Variants in TOM1L2 observed in about 807,000 individuals in gnomAD.
TOM1L2 encodes the protein TOM1-like protein 2.
Under a neutral mutation model 67.9 loss-of-function variants are expected in TOM1L2, and 31 were observed. The observed-to-expected ratio is 0.46, with a 90% CI of 0.34 to 0.62. The LOEUF (loss-of-function observed/expected upper bound fraction) is 0.62, where lower values mean the gene tolerates loss of function less well. Ranked by LOEUF, TOM1L2 falls within the 20% of genes least tolerant of loss-of-function variation. The pLI, the probability that TOM1L2 is intolerant of heterozygous loss-of-function variation, is 0.01. For synonymous variants in TOM1L2, 256 were observed against 254.0 expected, an observed-to-expected ratio of 1.01 and a Z score of -0.07; for missense variants, 606 against 663.5, an observed-to-expected ratio of 0.91 and a Z score of 0.95.
chr17:17,865,742 C>CTT (rs35408977), intron 10 of TOM1L2, among the ~76,000 whole-genome samples: 12 of 103,530 alleles, frequency 1.2e-4, no homozygotes, highest in African/African-American at 2.8e-4. Flanking sequence ...GGTGACCTTT[C>CTT]TTTTTTTTTT....
At chr17:17,959,102 G>A (rs781262054) in intron 1 of TOM1L2, among the ~76,000 whole-genome samples, 1 of 152,198 alleles carries the variant, frequency 6.6e-6, no homozygotes, top group Non-Finnish European at 1.5e-5. Flanking sequence ...GAAAATGTAA[G>A]TAAAGTGTTG....
intron 1 of TOM1L2, among the ~76,000 whole-genome samples, chr17:17,921,536 C>T (rs1169918649): frequency 6.6e-6 from 1 of 151,604 alleles, no homozygotes; most frequent in Non-Finnish European, 1.5e-5. Flanking sequence ...GGAAATTGGC[C>T]ATGGGGGAGG....
intron 2 of TOM1L2, among the ~76,000 whole-genome samples, chr17:17,900,521 C>CAAA (rs546614872): frequency 1.2e-3 from 71 of 58,826 alleles, no homozygotes; most frequent in African/African-American, 2.9e-3. Context: ...GACTCCATCT[C>CAAA]AAAAAAAAAA....
At chr17:17,917,653 T>C (rs949159653) in intron 1 of TOM1L2, among the ~76,000 whole-genome samples, 8 of 140,324 alleles carry the variant, frequency 5.7e-5, no homozygotes, top group Non-Finnish European at 1.1e-4. Context: ...TTGGGTAGTG[T>C]TGTCATCTTA....
At chr17:17,913,740 T>C (rs2039507625) in intron 1 of TOM1L2, among the ~76,000 whole-genome samples, 1 of 152,198 alleles carries the variant, frequency 6.6e-6, no homozygotes, top group Admixed American at 6.5e-5. Context: ...GGATAAGTTA[T>C]CATGCCTTTG....
intron 1 of TOM1L2, among the ~76,000 whole-genome samples, chr17:17,935,572 G>C (rs111367557): frequency 3.3e-5 from 5 of 152,162 alleles, no homozygotes; most frequent in Non-Finnish European, 7.3e-5. Flanking sequence ...TAGAGGACTG[G>C]AGAAAGCAGA....
intron 1 of TOM1L2, among the ~76,000 whole-genome samples, chr17:17,940,598 G>C (rs1347666851): frequency 6.6e-6 from 1 of 152,134 alleles, no homozygotes; most frequent in Non-Finnish European, 1.5e-5. Context: ...GCAGGAATAA[G>C]GTAAGCCTGA....
At chr17:17,952,398 T>C (rs1164364744) in intron 1 of TOM1L2, among the ~76,000 whole-genome samples, 5 of 136,514 alleles carry the variant, frequency 3.7e-5, no homozygotes, top group Admixed American at 7.2e-5. Context: ...TTTTTTTTTT[T>C]TTTTTTTTTT....
intron 6 of TOM1L2, among the ~76,000 whole-genome samples, chr17:17,881,387 C>A (rs910861239): frequency 6.6e-6 from 1 of 152,262 alleles, no homozygotes; most frequent in African/African-American, 2.4e-5. Flanking sequence ...GGCTCCTGTG[C>A]TACCTATGCC....
intron 1 of TOM1L2, among the ~76,000 whole-genome samples, chr17:17,945,152 G>A (rs1462174238): frequency 6.6e-6 from 1 of 152,080 alleles, no homozygotes; most frequent in Non-Finnish European, 1.5e-5. Context: ...AAAGTCTTTA[G>A]CTTTCTTTTC....
chr17:17,862,802 T>G lies in TOM1L2; in HGVS notation c.1131A>C (p.Gln377His). Residue 377 changes from glutamine to histidine, a missense_variant, in exon 11 of 15, where the codon CAA (glutamine) becomes CAC (histidine). Around this residue, in one of 2 missense-constraint regions of TOM1L2, gnomAD observed 543 missense variants for 554.0 expected, o/e 0.98. Transcript: ENST00000379504. ...SVSGTLSSLQ[Q>H]CNPRDGFDMF... ...TGTCAAAGCCGTCACGGGGATTACA[T>G]TGCTGGAGTGAACTGAGGGTGCCAC... 6.2e-7 allele frequency: 1 copy of G among 1,614,166 alleles called. No homozygotes were observed. Among genetic ancestry groups the G allele is most frequent in the Non-Finnish European group, 8.5e-7 (1 of 1,180,032 alleles).
rs556736442 is a variant in TOM1L2 at position 17,844,997 on chromosome 17, C to G, written c.*2638G>C. ...CAGGTTTCCTGACAGAGCCGCACCC[C>G]CTTCCTGGACCAGGCAGCCTAAGGA... On this transcript the variant is annotated 3_prime_UTR_variant, in exon 15 of 15. Coordinates refer to ENST00000379504, the MANE Select transcript of TOM1L2 (RefSeq NM_001082968.2). 4 of 152,596 alleles carry G rather than the reference C, an allele frequency of 2.6e-5. No individual in the cohort carries two copies. Among genetic ancestry groups the G allele is most frequent in the South Asian group, 2.1e-4 (1 of 4,836 alleles). The allele number at this position is 152,596 out of a possible 1,614,324, so 9.5% of individuals were successfully genotyped here.
intron 8 of TOM1L2, 156 bp downstream of exon 8, chr17:17,869,184 C>T (rs1458574219): frequency 3.6e-6 from 5 of 1,402,090 alleles, no homozygotes; most frequent in Non-Finnish European, 4.8e-6. Context: ...AGCATTTTTC[C>T]TGTCAGCCGG....
chr17:17,869,519 C>T lies in TOM1L2; in HGVS notation c.778-46G>A, dbSNP rs747829782. 8 of 1,554,696 alleles carry T rather than the reference C, an allele frequency of 5.1e-6. No homozygotes were observed. In the East Asian group the frequency reaches 6.8e-5, roughly 13 times the overall value. On this transcript the variant is annotated intron_variant, in intron 7 of 14. Coordinates refer to ENST00000379504, the MANE Select transcript of TOM1L2 (RefSeq NM_001082968.2). ...TGGGTAGCCTGCTGGGTGTGCTTTT[C>T]GTCACATTCTATCTCCTTTGAAAAA...
At chr17:17,895,513 C>A (rs554714232) in intron 3 of TOM1L2, among the ~76,000 whole-genome samples, 12 of 152,318 alleles carry the variant, frequency 7.9e-5, no homozygotes, top group Admixed American at 5.9e-4. Flanking sequence ...GGAGTTTTAT[C>A]CAATTCTCAC....
chr17:17,915,596 A>T (rs1315191026), intron 1 of TOM1L2, among the ~76,000 whole-genome samples: 1 of 151,950 alleles, frequency 6.6e-6, no homozygotes, highest in Non-Finnish European at 1.5e-5. Flanking sequence ...GCTCATTGCA[A>T]CCTTGAAATC....
intron 1 of TOM1L2, among the ~76,000 whole-genome samples, chr17:17,956,728 GCC>G (rs2041470143): frequency 1.3e-5 from 2 of 152,216 alleles, no homozygotes. Flanking sequence ...GCAGCTGCTG[GCC>G]TGGATGCTAA....
chr17:17,880,283 G>A (rs1044887695), intron 6 of TOM1L2, among the ~76,000 whole-genome samples: 2 of 152,212 alleles, frequency 1.3e-5, no homozygotes, highest in African/African-American at 4.8e-5. Flanking sequence ...GCAAGAATGA[G>A]AGAACAGGGG....
At chr17:17,929,746 A>G (rs1027314498) in intron 1 of TOM1L2, among the ~76,000 whole-genome samples, 11 of 152,256 alleles carry the variant, frequency 7.2e-5, no homozygotes, top group African/African-American at 2.4e-4. Flanking sequence ...TGAAAATCTG[A>G]TAAGACCTTT....
Sources: gnomAD v4.1 joint callset for allele counts (sites outside exome capture counted in the v4.1 genomes callset) on GRCh38, gnomAD v4.1.1 for gene constraint, gnomAD v4.1.1 regional missense constraint, MANE v1.5 for transcripts, NCBI Gene and HGNC (gene_info 2026-07-23, HGNC 2026-07-21) for gene names.